WDR17: variants seen among roughly 807,000 people sequenced by gnomAD.
The protein encoded by WDR17 is WD repeat domain 17.
Under a neutral mutation model 161.7 loss-of-function variants are expected in WDR17, and 143 were observed. The observed-to-expected ratio is 0.88, with a 90% CI of 0.77 to 1.02. The LOEUF (loss-of-function observed/expected upper bound fraction) is 1.02, where lower values mean the gene tolerates loss of function less well. Among genes scored for constraint, WDR17 ranks in the 50% least tolerant of loss-of-function variants. The probability of loss-of-function intolerance (pLI) is 0.00; values close to 1 mark genes in which losing one functional copy is unlikely to be tolerated. For missense variants in WDR17, 1,469 were observed against 1,520.9 expected (o/e 0.97, Z 0.57); for synonymous variants, 517 against 515.6 (o/e 1.00, Z -0.04).
At position 176,115,967 on chromosome 4, in the gene WDR17, G is replaced by T. The variant is rs764121573; in HGVS notation, c.295G>T (p.Asp99Tyr). Residue 99 changes from aspartate (D) to tyrosine (Y), a missense_variant, in exon 3 of 29, where the codon GAC becomes TAC. Physicochemically the swap from Asp to Tyr is radical, Grantham distance 160. Coordinates refer to ENST00000508596, the MANE Select transcript of WDR17 (RefSeq NM_181265.4). Reference protein sequence around the residue: ...VAEQKVIAKLDSTKGIPASLS... With the variant: ...VAEQKVIAKLYSTKGIPASLS... ...AGAACAAAAAGTCATTGCTAAACTCGACAGTACAAAAGGTATAATTACAAC... is the reference window on the plus strand; with the variant it reads ...AGAACAAAAAGTCATTGCTAAACTCTACAGTACAAAAGGTATAATTACAAC... 6.2e-7 allele frequency: 1 copy of T among 1,604,044 alleles called. No individual in the cohort carries two copies. The highest frequency in any genetic ancestry group is 1.1e-5 in the South Asian group (1 of 89,078).
At chr4:176,110,718 G>A (rs1382913468) in intron 1 of WDR17, among the ~76,000 whole-genome samples, 1 of 152,164 alleles carries the variant, frequency 6.6e-6, no homozygotes, top group Non-Finnish European at 1.5e-5. Flanking sequence ...TGATCTGAGA[G>A]GAATCTGGTA....
At chr4:176,143,499 T>TAAAAAAAA in intron 11 of WDR17, among the ~76,000 whole-genome samples, 2 of 137,158 alleles carry the variant, frequency 1.5e-5, no homozygotes, top group Middle Eastern at 3.7e-3. Context: ...CTTCGTCTCT[T>TAAAAAAAA]AAAAAAAAAA....
chr4:176,074,489 C>T (rs1460451200), intron 1 of WDR17, among the ~76,000 whole-genome samples: 1 of 151,800 alleles, frequency 6.6e-6, no homozygotes, highest in Non-Finnish European at 1.5e-5. Flanking sequence ...CAGAGTCTCA[C>T]TTTGTCATCC....
chr4:176,157,167 T>A (rs888476090), intron 18 of WDR17, among the ~76,000 whole-genome samples: 1 of 152,228 alleles, frequency 6.6e-6, no homozygotes, highest in African/African-American at 2.4e-5. Flanking sequence ...CTCTCTTCTA[T>A]GCTATTCATT....
chr4:176,172,567 G>T (rs142777184), intron 24 of WDR17, 51 bp downstream of exon 24: 10 of 1,445,202 alleles, frequency 6.9e-6, no homozygotes, highest in Non-Finnish European at 9.4e-6. Context: ...TTATTTGATC[G>T]TTGTTTTCAT....
chr4:176,085,196 A>G (rs1735273786), intron 1 of WDR17, among the ~76,000 whole-genome samples: 1 of 152,008 alleles, frequency 6.6e-6, no homozygotes, highest in South Asian at 2.1e-4. Context: ...ATTTTGAGAG[A>G]ATTTACATTT....
chr4:176,107,689 G>A (rs1738975557), intron 1 of WDR17, among the ~76,000 whole-genome samples: 1 of 151,864 alleles, frequency 6.6e-6, no homozygotes, highest in African/African-American at 2.4e-5. Context: ...TTTTGAATCA[G>A]ATAAATCATG....
chr4:176,123,346 C>CA (rs1354242574), intron 4 of WDR17, among the ~76,000 whole-genome samples: 2 of 152,144 alleles, frequency 1.3e-5, no homozygotes, highest in East Asian at 3.9e-4. Context: ...CTACAGCAGA[C>CA]ACTCGCTGAG....
At chr4:176,119,749 A>T in intron 3 of WDR17, 118 bp from the exon 4 acceptor site, 2 of 899,494 alleles carry the variant, frequency 2.2e-6, no homozygotes, top group Non-Finnish European at 3.3e-6. Flanking sequence ...CCCAAATAAG[A>T]AAGTAATGTA....
intron 17 of WDR17, among the ~76,000 whole-genome samples, chr4:176,152,294 CAAAAAAA>C (rs397837505): frequency 3.0e-4 from 22 of 72,162 alleles, no homozygotes; most frequent in African/African-American, 1.0e-3. Flanking sequence ...GACCCTATCT[CAAAAAAA>C]AAAAAAAAAA....
At chr4:176,109,916 A>G (rs566358396) in intron 1 of WDR17, among the ~76,000 whole-genome samples, 5 of 152,318 alleles carry the variant, frequency 3.3e-5, no homozygotes, top group Admixed American at 6.5e-5. Flanking sequence ...ACTACCCAAT[A>G]TATTAGTCAC....
intron 4 of WDR17, among the ~76,000 whole-genome samples, chr4:176,120,357 T>C (rs1195825857): frequency 6.7e-6 from 1 of 149,512 alleles, no homozygotes; most frequent in African/African-American, 2.4e-5. Flanking sequence ...TTACTTGGAA[T>C]TAACCTAAAT....
chr4:176,159,788 C>G (rs905131937), intron 18 of WDR17, among the ~76,000 whole-genome samples: 1 of 152,142 alleles, frequency 6.6e-6, no homozygotes, highest in African/African-American at 2.4e-5. Context: ...TAAAGACAAA[C>G]AAGTACCTAT....
chr4:176,179,408 A>G, intron 28 of WDR17, 52 bp from the exon 29 acceptor site: 2 of 1,393,850 alleles, frequency 1.4e-6, no homozygotes, highest in Non-Finnish European at 1.9e-6. Context: ...GTTTAAAAAT[A>G]CTTTGCAAAT....
intron 4 of WDR17, among the ~76,000 whole-genome samples, chr4:176,123,074 TC>T (rs1741859141): frequency 6.6e-6 from 1 of 152,224 alleles, no homozygotes. Flanking sequence ...AATTGTATTC[TC>T]AGGCCAAGTT....
chr4:176,088,417 TC>T (rs1735696041), intron 1 of WDR17, among the ~76,000 whole-genome samples: 1 of 152,104 alleles, frequency 6.6e-6, no homozygotes, highest in Non-Finnish European at 1.5e-5. Flanking sequence ...AGACCCTATC[TC>T]TTTAAAAAAA....
rs1054801550 is a variant in WDR17 at position 176,159,339 on chromosome 4, G to A, written c.2526-655G>A. On this transcript the variant is annotated intron_variant, in intron 18 of 28. Transcript: ENST00000508596. ...GAGAGAGAGAGAGAGAGAGAGAAAG[G>A]GAGAGAGAGAGAAATGGGTGCAGAG... Among the ~76,000 whole-genome samples, 549 of 136,388 alleles carry A rather than the reference G, an allele frequency of 4.0e-3. 4 individuals are homozygous for A. Among genetic ancestry groups the A allele is most frequent in the African/African-American group, 0.015 (500 of 34,206 alleles). 89.5% of individuals were successfully genotyped at this position (136,388 alleles called of 152,430 possible).
At chr4:176,116,771 T>C (rs1192744404) in intron 3 of WDR17, among the ~76,000 whole-genome samples, 1 of 151,932 alleles carries the variant, frequency 6.6e-6, no homozygotes, top group Non-Finnish European at 1.5e-5. Flanking sequence ...ACTGGGAATT[T>C]ATAGGCAATT....
intron 11 of WDR17, among the ~76,000 whole-genome samples, chr4:176,142,376 CAT>C (rs1237783154): frequency 1.3e-5 from 2 of 152,130 alleles, no homozygotes; most frequent in Non-Finnish European, 2.9e-5. Flanking sequence ...TGGCTTCTAT[CAT>C]AGAAATGTGG....
Sources: allele counts gnomAD v4.1 joint callset (sites outside exome capture counted in the v4.1 genomes callset), GRCh38; gene constraint gnomAD v4.1.1; transcripts MANE v1.5; gene names NCBI Gene and HGNC (gene_info 2026-07-23, HGNC 2026-07-21).